The following RBMS3 variants were observed in gnomAD, a reference collection of about 807,000 sequenced individuals.
The protein encoded by RBMS3 is RNA-binding motif, single-stranded-interacting protein 3.
RBMS3 carries 27 observed loss-of-function variants against 66.8 expected under a neutral mutation model. The observed-to-expected ratio is 0.40, with a 90% confidence interval of 0.30 to 0.56. The LOEUF is 0.56. RBMS3 is among the 20% of genes least tolerant of loss of function. RBMS3 has a pLI of 0.40. For synonymous variants in RBMS3, 188 were observed against 183.0 expected (o/e 1.03, Z -0.22); for missense variants, 513 against 549.5 (o/e 0.93, Z 0.66).
chr3:29,496,885 C>T (rs1306692715), intron 3 of RBMS3, among the ~76,000 whole-genome samples: 1 of 152,098 alleles, frequency 6.6e-6, no homozygotes, highest in Non-Finnish European at 1.5e-5. Flanking sequence ...TAAAATTATC[C>T]ACTAACATGA....
chr3:29,778,455 T>C (rs75081423), intron 6 of RBMS3, among the ~76,000 whole-genome samples: 2,512 of 151,492 alleles, frequency 0.017, 84 homozygotes, highest in African/African-American at 0.058. Context: ...TGCAAGGGGA[T>C]TGGGGAATTA....
chr3:29,900,547 C>A (rs528136906), intron 10 of RBMS3, among the ~76,000 whole-genome samples: 1 of 151,492 alleles, frequency 6.6e-6, no homozygotes, highest in East Asian at 2.0e-4. Flanking sequence ...TATAGAAGTG[C>A]GAGATAGAGA....
At chr3:29,394,752 A>G (rs1282793088) in intron 1 of RBMS3, among the ~76,000 whole-genome samples, 3 of 152,126 alleles carry the variant, frequency 2.0e-5, no homozygotes, top group Admixed American at 2.0e-4. Context: ...GTGGCCTCTA[A>G]GGCCCTCTGT....
intron 6 of RBMS3, among the ~76,000 whole-genome samples, chr3:29,861,020 C>T (rs549468657): frequency 1.3e-4 from 20 of 152,238 alleles, no homozygotes; most frequent in African/African-American, 2.6e-4. Flanking sequence ...CCCGCCACCA[C>T]GCCCGGCTAA....
chr3:29,282,381 A>G (rs1008869765), intron 1 of RBMS3, among the ~76,000 whole-genome samples: 4 of 152,082 alleles, frequency 2.6e-5, no homozygotes, highest in Admixed American at 2.0e-4. Flanking sequence ...TAGAAGATCT[A>G]TTTTTCTGTG....
In RBMS3 at chr3:30,007,254, A is replaced by AT. The variant is rs1553719165; in HGVS notation, c.*3395dup. ...TTAATCAACAAAATATATTGTAGTGATTTGTTTGTTTGTTTGTTTGAGACG... is the reference window on the plus strand; with the variant it reads ...TTAATCAACAAAATATATTGTAGTGATTTTGTTTGTTTGTTTGTTTGAGACG... On this transcript the variant is annotated 3_prime_UTR_variant, in exon 15 of 15. Transcript: ENST00000383767. 1 of 151,914 alleles carries AT rather than the reference A, an allele frequency of 6.6e-6. No homozygotes were observed. The highest frequency in any genetic ancestry group is 1.5e-5 in the Non-Finnish European group (1 of 67,890). 9.4% of individuals were successfully genotyped at this position (151,914 alleles called of 1,614,324 possible).
intron 2 of RBMS3, among the ~76,000 whole-genome samples, chr3:29,474,247 TGCTTGTAGCTCCA>T (rs2042869710): frequency 2.0e-5 from 3 of 152,266 alleles, no homozygotes; most frequent in Admixed American, 2.0e-4. Context: ...CCACAATTGT[TGCTTGTAGCTCCA>T]GTTTGTTATT....
rs1042641071 is a variant in RBMS3, at chr3:30,006,709, ATACT to A, written c.*2849_*2852del. 2.6e-5 allele frequency: 4 copies of A among 151,960 alleles called. No individual in the cohort carries two copies. Among genetic ancestry groups the A allele is most frequent in the African/African-American group, 7.2e-5 (3 of 41,410 alleles). 9.4% of individuals were successfully genotyped at this position (151,960 alleles called of 1,614,324 possible). ...TAATTCATTTGAATATGAAACCAAC[ATACT>A]TTCTTTCATTTTTGTGAAAAAATAA... On this transcript the variant is annotated 3_prime_UTR_variant, in exon 15 of 15. Transcript: ENST00000383767.
intron 6 of RBMS3, among the ~76,000 whole-genome samples, chr3:29,783,818 G>C (rs1030593778): frequency 6.6e-6 from 1 of 151,940 alleles, no homozygotes; most frequent in Admixed American, 6.6e-5. Flanking sequence ...AACATATAAG[G>C]CCTCACATAA....
chr3:29,979,243 T>C (rs915651240), intron 12 of RBMS3, among the ~76,000 whole-genome samples: 1 of 152,160 alleles, frequency 6.6e-6, no homozygotes, highest in Non-Finnish European at 1.5e-5. Flanking sequence ...ATCTGTAAAA[T>C]AGGTAAAGCA....
At chr3:29,530,234 A>T (rs992494542) in intron 3 of RBMS3, among the ~76,000 whole-genome samples, 1 of 152,170 alleles carries the variant, frequency 6.6e-6, no homozygotes, top group African/African-American at 2.4e-5. Flanking sequence ...TAAAATTCAT[A>T]TTTGTGCAGG....
chr3:29,386,115 A>T (rs1226142430), intron 1 of RBMS3, among the ~76,000 whole-genome samples: 2 of 152,094 alleles, frequency 1.3e-5, no homozygotes, highest in African/African-American at 2.4e-5. Flanking sequence ...TAAAATCCTA[A>T]TTATGGTATA....
chr3:29,479,323 A>G (rs2043054831), intron 2 of RBMS3, among the ~76,000 whole-genome samples: 2 of 150,348 alleles, frequency 1.3e-5, no homozygotes, highest in Non-Finnish European at 3.0e-5. Flanking sequence ...TATATAATAT[A>G]CAATGTATAT....
intron 4 of RBMS3, among the ~76,000 whole-genome samples, chr3:29,712,555 T>A (rs1294904374): frequency 3.9e-5 from 6 of 152,120 alleles, no homozygotes; most frequent in Non-Finnish European, 8.8e-5. Flanking sequence ...TCAAACAATC[T>A]GCCCACCTCG....
chr3:29,508,835 A>G (rs965114644), intron 3 of RBMS3, among the ~76,000 whole-genome samples: 2 of 143,062 alleles, frequency 1.4e-5, no homozygotes, highest in Non-Finnish European at 3.0e-5. Context: ...AACCGTTCCT[A>G]TTTCTCCACA....
chr3:29,612,720 G>C (rs1417454171), intron 4 of RBMS3, among the ~76,000 whole-genome samples: 3 of 151,998 alleles, frequency 2.0e-5, no homozygotes, highest in Admixed American at 1.3e-4. Context: ...AGGCCACTAT[G>C]GAGTTTATGA....
intron 1 of RBMS3, among the ~76,000 whole-genome samples, chr3:29,430,451 C>T (rs1467418780): frequency 2.0e-5 from 3 of 152,200 alleles, no homozygotes; most frequent in African/African-American, 4.8e-5. Context: ...ACATATCTCA[C>T]TTCAGTGCAC....
At chr3:29,528,249 A>G (rs2045213993) in intron 3 of RBMS3, among the ~76,000 whole-genome samples, 1 of 151,672 alleles carries the variant, frequency 6.6e-6, no homozygotes, top group Non-Finnish European at 1.5e-5. Flanking sequence ...AATAGCTGGG[A>G]TTACAGGCGC....
intron 2 of RBMS3, among the ~76,000 whole-genome samples, chr3:29,475,251 C>CTTTTT (rs35099344): frequency 2.1e-5 from 3 of 140,872 alleles, no homozygotes; most frequent in African/African-American, 2.6e-5. Flanking sequence ...CTTTTCTTTT[C>CTTTTT]TTTTTTTTTT....
Sources: allele counts gnomAD v4.1 joint callset (sites outside exome capture counted in the v4.1 genomes callset), GRCh38; gene constraint gnomAD v4.1.1; transcripts MANE v1.5; gene names NCBI Gene and HGNC (gene_info 2026-07-23, HGNC 2026-07-21).